Variants in MTA1 observed in about 807,000 individuals in gnomAD.
The protein encoded by MTA1 is metastasis-associated protein MTA1.
Under a neutral mutation model 97.0 loss-of-function variants are expected in MTA1, and 15 were observed. That is an observed-to-expected ratio of 0.15 (90% confidence interval 0.10 to 0.24). The LOEUF (loss-of-function observed/expected upper bound fraction) is 0.24, where lower values mean the gene tolerates loss of function less well. MTA1 is among the 10% of genes least tolerant of loss of function. The pLI is 1.00. For missense variants in MTA1, 709 were observed against 1,015.1 expected, an observed-to-expected ratio of 0.70 and a Z score of 4.10; for synonymous variants, 435 against 417.5, an observed-to-expected ratio of 1.04 and a Z score of -0.51.
chr14:105,443,354 T>C (rs2082608560), intron 2 of MTA1, among the ~76,000 whole-genome samples: 1 of 152,168 alleles, frequency 6.6e-6, no homozygotes, highest in Non-Finnish European at 1.5e-5. Flanking sequence ...CTGAGCACTT[T>C]TCTCTTTATT....
At chr14:105,440,873 A>C (rs1196907632) in intron 2 of MTA1, among the ~76,000 whole-genome samples, 3 of 152,252 alleles carry the variant, frequency 2.0e-5, no homozygotes, top group African/African-American at 7.2e-5. Context: ...GGTTGAGTAC[A>C]GACCTCCCCT....
Position 105,465,352 on chromosome 14 carries a change from G to A in MTA1, c.1624+169G>A, listed in dbSNP as rs1386700878. 8.6e-6 allele frequency: 4 copies of A among 462,744 alleles called. No homozygotes were observed. The Admixed American group carries it at 1.2e-4, about 14-fold the overall frequency. 28.7% of individuals were successfully genotyped at this position (462,744 alleles called of 1,614,324 possible). On this transcript the variant is annotated intron_variant, in intron 16 of 20. Transcript: ENST00000331320. Reference sequence around the variant, plus strand: ...CTCTGCACCGTGCCAGGCTCAGGCAGACCCACTGGGACCCAGGCTGCTCCC... The same window carrying A: ...CTCTGCACCGTGCCAGGCTCAGGCAAACCCACTGGGACCCAGGCTGCTCCC...
intron 18 of MTA1, among the ~76,000 whole-genome samples, chr14:105,468,536 T>C (rs587630948): frequency 3.9e-5 from 6 of 152,172 alleles, no homozygotes; most frequent in Non-Finnish European, 8.8e-5. Context: ...AGGGCCCCAG[T>C]TGGCCCCCAG....
chr14:105,454,428 C>A, intron 7 of MTA1, 118 bp downstream of exon 7: 1 of 751,872 alleles, frequency 1.3e-6, no homozygotes, highest in Non-Finnish European at 2.3e-6. Flanking sequence ...TGACTGGGGG[C>A]GGCAGGTGTA....
chr14:105,447,258 C>T (rs1004514338), intron 3 of MTA1, among the ~76,000 whole-genome samples: 1 of 152,140 alleles, frequency 6.6e-6, no homozygotes, highest in Non-Finnish European at 1.5e-5. Context: ...GCTGAGCGGC[C>T]GCAGTGTGGC....
At chr14:105,429,135 G>A (rs1365878590) in intron 1 of MTA1, among the ~76,000 whole-genome samples, 1 of 152,126 alleles carries the variant, frequency 6.6e-6, no homozygotes, top group Non-Finnish European at 1.5e-5. Flanking sequence ...CTCAGCCTTC[G>A]TAGAACTGAA....
At chr14:105,433,006 A>T (rs1477108134) in intron 1 of MTA1, among the ~76,000 whole-genome samples, 1 of 152,100 alleles carries the variant, frequency 6.6e-6, no homozygotes, top group Non-Finnish European at 1.5e-5. Flanking sequence ...CCCGTGCTGT[A>T]ATATAGGGGC....
intron 18 of MTA1, among the ~76,000 whole-genome samples, chr14:105,468,591 G>A (rs1184904333): frequency 6.6e-6 from 1 of 152,222 alleles, no homozygotes; most frequent in Non-Finnish European, 1.5e-5. Context: ...GGGAGGGGCT[G>A]GACAGGCTGC....
At chr14:105,443,313 C>T (rs587771252) in intron 2 of MTA1, among the ~76,000 whole-genome samples, 2 of 152,298 alleles carry the variant, frequency 1.3e-5, no homozygotes, top group East Asian at 1.9e-4. Context: ...CCCTCGAGAA[C>T]GCCCGGCTCC....
Position 105,450,193 on chromosome 14 carries a change from C to T in MTA1, c.368+9C>T, listed in dbSNP as rs1555428263. On this transcript the variant is annotated intron_variant, in intron 5 of 20. Coordinates refer to ENST00000331320, the MANE Select transcript of MTA1 (RefSeq NM_004689.4). ...CCCGCCACGCACATCAGGTAGCCCC[C>T]AGCAGCTCCCGCCCTGGGCCCCTCG... 1.2e-6 allele frequency: 2 copies of T among 1,612,644 alleles called. No homozygotes were observed. The highest frequency in any genetic ancestry group is 2.7e-5 in the African/African-American group (2 of 74,908).
At chr14:105,465,289 G>C in intron 16 of MTA1, 106 bp downstream of exon 16, 1 of 1,028,934 alleles carries the variant, frequency 9.7e-7, no homozygotes, top group Non-Finnish European at 1.3e-6. Flanking sequence ...GGAGCTCCTG[G>C]ACAGCCCCCC....
At chr14:105,457,059 C>T (rs189776447) in intron 7 of MTA1, among the ~76,000 whole-genome samples, 2 of 152,372 alleles carry the variant, frequency 1.3e-5, no homozygotes, top group Admixed American at 6.5e-5. Flanking sequence ...TGCAGCCGGG[C>T]GCCCCAGTGG....
intron 1 of MTA1, among the ~76,000 whole-genome samples, chr14:105,423,662 C>G (rs1555421539): frequency 6.6e-6 from 1 of 152,260 alleles, no homozygotes; most frequent in East Asian, 1.9e-4. Flanking sequence ...TCTGGCGCAG[C>G]CTGGGCGGAA....
At chr14:105,432,365 C>T (rs926376893) in intron 1 of MTA1, among the ~76,000 whole-genome samples, 1 of 152,202 alleles carries the variant, frequency 6.6e-6, no homozygotes, top group Non-Finnish European at 1.5e-5. Flanking sequence ...CTCAGCCTCC[C>T]AAGTAGCTGG....
chr14:105,466,805 GCT>G (rs2083611052), intron 18 of MTA1, 63 bp downstream of exon 18: 2 of 1,514,856 alleles, frequency 1.3e-6, no homozygotes, highest in Non-Finnish European at 8.9e-7. Flanking sequence ...GTGCTGTGCT[GCT>G]CTGTGTCCCC....
chr14:105,449,907 G>T, intron 4 of MTA1, 151 bp from the exon 5 acceptor site: 1 of 1,148,388 alleles, frequency 8.7e-7, no homozygotes, highest in South Asian at 1.5e-5. Flanking sequence ...GCCATAGGGT[G>T]GGGCAGTGGG....
At chr14:105,454,543 C>T (rs1169329826) in intron 7 of MTA1, 2 of 451,928 alleles carry the variant, frequency 4.4e-6, no homozygotes, top group Admixed American at 3.4e-5. Context: ...CTCAGACCCT[C>T]AGGCAGGACG....
At chr14:105,423,215 ATTTTTTTTTTTTT>A (rs1166908446) in intron 1 of MTA1, among the ~76,000 whole-genome samples, 1 of 113,580 alleles carries the variant, frequency 8.8e-6, no homozygotes. Flanking sequence ...TTTTTGTTTA[ATTTTTTTTTTTTT>A]TTTTTTTTTG....
intron 18 of MTA1, chr14:105,467,893 A>C (rs781892111): frequency 1.7e-5 from 4 of 238,766 alleles, no homozygotes; most frequent in Non-Finnish European, 3.4e-5. Context: ...TTAACCAGCA[A>C]GTTACATAAA....
Sources: allele counts gnomAD v4.1 joint callset (sites outside exome capture counted in the v4.1 genomes callset), GRCh38; gene constraint gnomAD v4.1.1; transcripts MANE v1.5; gene names NCBI Gene and HGNC (gene_info 2026-07-23, HGNC 2026-07-21).